The following LRRC71 variants were observed in gnomAD, a reference collection of about 807,000 sequenced individuals.
LRRC71 encodes the protein leucine rich repeat containing 71.
A neutral mutation model predicts 66.6 loss-of-function variants in LRRC71; 54 were observed. That is an observed-to-expected ratio of 0.81 (90% CI 0.65 to 1.02). The LOEUF (loss-of-function observed/expected upper bound fraction) is 1.02. LRRC71 is among the 50% of genes least tolerant of loss of function. The pLI, the probability that LRRC71 is intolerant of heterozygous loss-of-function variation, is 0.00. For synonymous variants in LRRC71, 323 were observed against 303.9 expected, an observed-to-expected ratio of 1.06 and a Z score of -0.65; for missense variants, 724 against 718.0, an observed-to-expected ratio of 1.01 and a Z score of -0.10.
intron 2 of LRRC71, 61 bp from the exon 3 acceptor site, chr1:156,924,363 C>T: frequency 6.6e-7 from 1 of 1,520,874 alleles, no homozygotes. Context: ...CACCCGTGGG[C>T]CGGCCCGGCG....
intron 1 of LRRC71, among the ~76,000 whole-genome samples, chr1:156,922,955 C>G (rs1308746349): frequency 6.6e-6 from 1 of 152,192 alleles, no homozygotes; most frequent in African/African-American, 2.4e-5. Context: ...GCCAGCCAGA[C>G]CAGGGGGTCA....
downstream of LRRC71, chr1:156,935,778 TG>T (rs1339888604): frequency 1.8e-6 from 1 of 559,030 alleles, no homozygotes; most frequent in Non-Finnish European, 3.2e-6. Flanking sequence ...CATGAGGCCT[TG>T]GAGGGTTGGG....
At chr1:156,933,664 C>A (rs551091417), downstream of LRRC71, among the ~76,000 whole-genome samples, 73 of 152,346 alleles carry the variant, frequency 4.8e-4, no homozygotes, top group African/African-American at 1.6e-3. Flanking sequence ...GGTTCCTGAG[C>A]TGAGTCAGGG....
downstream of LRRC71, chr1:156,936,781 A>G (rs868669): frequency 0.028 from 44,023 of 1,591,972 alleles, 738 homozygotes; most frequent in South Asian, 0.06. Flanking sequence ...TTCTCCCCCA[A>G]TGGTAGGAAC....
At chr1:156,940,253 T>G in the LRRC71 span, 1 of 1,609,496 alleles carries the variant, frequency 6.2e-7, no homozygotes, top group East Asian at 2.2e-5. Context: ...ACAGAGGGCC[T>G]GGGAAGGCCA....
At chr1:156,924,214 C>G (rs822438) in intron 2 of LRRC71, 116 bp downstream of exon 2, 731,200 of 1,275,778 alleles carry the variant, frequency 0.57, 217,430 homozygotes, top group East Asian at 0.87. Flanking sequence ...TGTGAGTCGG[C>G]GGTATTCGAC....
chr1:156,940,375 C>T, the LRRC71 span: 50 of 1,613,092 alleles, frequency 3.1e-5, 2 homozygotes, highest in South Asian at 5.3e-4. Context: ...TGCTCAGGGT[C>T]CTCTAGCAGG....
intron 11 of LRRC71, 64 bp downstream of exon 11, chr1:156,929,793 T>G: frequency 7.2e-7 from 1 of 1,392,846 alleles, no homozygotes; most frequent in East Asian, 2.5e-5. Flanking sequence ...CCGGGCCGGG[T>G]GCAGGAAGCT....
chr1:156,929,614 T>G, intron 10 of LRRC71, 22 bp from the exon 11 acceptor site: 2 of 1,568,944 alleles, frequency 1.3e-6, no homozygotes. Context: ...GACTTGCCCC[T>G]CTCTTCTCAC....
At chr1:156,921,762 C>CAT (rs1491589129) in intron 1 of LRRC71, 1 of 456,902 alleles carries the variant, frequency 2.2e-6, no homozygotes, top group Non-Finnish European at 2.8e-6. Context: ...CACACACACA[C>CAT]AGACATGGCT....
Position 156,928,351 on chromosome 1 carries a change from C to CT in LRRC71, c.996+348dup, listed in dbSNP as rs1553188822. On this transcript the variant is annotated intron_variant, in intron 9 of 14. Transcript: ENST00000337428. ...TTTCTTTTTTCTTTCTTCTTTCTTT[C>CT]TCTTCTTCTTCCTCTTCTTCTTCTT... Among the ~76,000 whole-genome samples the CT allele has an allele frequency of 1.7e-3, 119 of 71,982 alleles. 1 individual carries two copies. The highest frequency in any genetic ancestry group is 2.9e-3 in the Non-Finnish European group (98 of 34,312). 47.2% of individuals were successfully genotyped at this position (71,982 alleles called of 152,430 possible). A position where few individuals can be genotyped will look rare whatever the true frequency, so the allele number is the denominator to read the frequency against.
chr1:156,926,376 A>T (rs1015937055), intron 5 of LRRC71, among the ~76,000 whole-genome samples: 2 of 152,066 alleles, frequency 1.3e-5, no homozygotes, highest in Admixed American at 1.3e-4. Flanking sequence ...AGGCTCACTT[A>T]TGTGGCTGCC....
intron 1 of LRRC71, among the ~76,000 whole-genome samples, chr1:156,921,310 T>C (rs1400205622): frequency 2.0e-5 from 3 of 152,200 alleles, no homozygotes; most frequent in Non-Finnish European, 4.4e-5. Context: ...AGGCCAGATA[T>C]GTCACGGAGG....
intron 3 of LRRC71, 34 bp from the exon 4 acceptor site, chr1:156,924,609 A>C: frequency 7.8e-7 from 1 of 1,278,614 alleles, no homozygotes; most frequent in Non-Finnish European, 1.0e-6. Flanking sequence ...GGAGCCTCCC[A>C]GGTCTGAGGC....
the LRRC71 span, chr1:156,938,541 G>A: frequency 3.7e-6 from 6 of 1,605,868 alleles, no homozygotes; most frequent in Admixed American, 1.0e-4. Flanking sequence ...CCACCAGGAA[G>A]AGGAGAGACC....
At chr1:156,927,874 ACTACCCAGGCGTCCGACC>A in intron 8 of LRRC71, 23 bp from the exon 9 acceptor site, 1 of 1,610,592 alleles carries the variant, frequency 6.2e-7, no homozygotes, top group Non-Finnish European at 8.5e-7. Context: ...GCCGACCCTG[ACTACCCAGGCGTCCGACC>A]GCTGAGCGCC....
chr1:156,934,266 G>T (rs1654711453), downstream of LRRC71, among the ~76,000 whole-genome samples: 1 of 152,174 alleles, frequency 6.6e-6, no homozygotes, highest in African/African-American at 2.4e-5. Context: ...AGAGGTAGAG[G>T]AGTCAGGGTT....
chr1:156,927,871 C>G (rs201311392), intron 8 of LRRC71, 44 bp from the exon 9 acceptor site: 1 of 1,610,932 alleles, frequency 6.2e-7, no homozygotes, highest in Non-Finnish European at 8.5e-7. Flanking sequence ...GGAGCCGACC[C>G]TGACTACCCA....
rs766491745 is a variant in LRRC71 at position 156,927,659 on chromosome 1, A to T, written c.822+4A>T. ...GGGCGCAGGCTACATCGCGGACGTG[A>T]GTGCACGGCGGGGAGGGACCTGCTG... On this transcript the variant is annotated splice_donor_region_variant and intron_variant, in intron 7 of 14. Coordinates refer to ENST00000337428, the MANE Select transcript of LRRC71 (RefSeq NM_144702.3). 4.4e-6 allele frequency: 7 copies of T among 1,607,122 alleles called. No homozygotes were observed. The highest frequency in any genetic ancestry group is 5.9e-6 in the Non-Finnish European group (7 of 1,178,048).
Sources: gnomAD v4.1 joint callset for allele counts (sites outside exome capture counted in the v4.1 genomes callset) on GRCh38, gnomAD v4.1.1 for gene constraint, MANE v1.5 for transcripts, NCBI Gene and HGNC (gene_info 2026-07-23, HGNC 2026-07-21) for gene names.